The following ING1 variants were observed in gnomAD, a reference collection of about 807,000 sequenced individuals.
ING1 encodes the protein inhibitor of growth protein 1.
Under a neutral mutation model 23.1 loss-of-function variants are expected in ING1, and 4 were observed. The observed-to-expected ratio is 0.17, with a 90% CI of 0.09 to 0.40. ING1 has a LOEUF of 0.40. Among genes scored for constraint, ING1 ranks in the 10% least tolerant of loss-of-function variants. ING1 has a pLI of 1.00. For missense variants in ING1, 256 were observed against 393.8 expected (o/e 0.65, Z 2.96); for synonymous variants, 179 against 166.4 (o/e 1.08, Z -0.58).
Position 110,719,908 on chromosome 13 carries a change from A to G in ING1, c.816A>G (p.Lys272=), listed in dbSNP as rs749479059. ...TGGACAAAGCCCTGGAGAAATCCAA[A>G]AAAGAGAGGGCTTACAACAGGTAGT... The part of the protein sequence containing the change: ...KTMDKALEKS[K]KERAYNR Residue 272 remains lysine (K), a synonymous_variant, in exon 2 of 2, where the codon AAA becomes AAG. Coordinates refer to ENST00000333219, the MANE Select transcript of ING1 (RefSeq NM_198219.3). This position sits in a 1 kb window ranked among gnomAD's most constrained non-coding sequence, Gnocchi z 8.9. The G allele has an allele frequency of 1.2e-6, 2 of 1,607,620 alleles. No homozygotes were observed. Among genetic ancestry groups the G allele is most frequent in the Admixed American group, 1.7e-5 (1 of 57,204 alleles).
rs1424842019 is a variant in ING1 at position 110,720,153 on chromosome 13, A to G, written c.*221A>G. On this transcript the variant is annotated 3_prime_UTR_variant, in exon 2 of 2. Transcript: ENST00000333219. Reference sequence around the variant, plus strand: ...TCTGTGGATCAGCATTTTAGAAACTACAAATATAGGTTTGATTCAACACTT... The same window carrying G: ...TCTGTGGATCAGCATTTTAGAAACTGCAAATATAGGTTTGATTCAACACTT... 7.5e-6 allele frequency: 3 copies of G among 401,854 alleles called. No individual in the cohort carries two copies. The highest frequency in any genetic ancestry group is 1.4e-5 in the Non-Finnish European group (3 of 218,824). 24.9% of individuals were successfully genotyped at this position (401,854 alleles called of 1,614,324 possible). A position where few individuals can be genotyped will look rare whatever the true frequency, so the allele number is the denominator to read the frequency against.
chr13:110,715,757 CG>C (rs1566379561), intron 1 of ING1: 1 of 1,581,902 alleles, frequency 6.3e-7, no homozygotes, highest in Non-Finnish European at 8.6e-7. Flanking sequence ...TCTCGGGGTG[CG>C]GGGCGAGTCT....
At chr13:110,717,312 A>G (rs1404415606) in intron 1 of ING1, among the ~76,000 whole-genome samples, 1 of 152,218 alleles carries the variant, frequency 6.6e-6, no homozygotes, top group Non-Finnish European at 1.5e-5. Context: ...GGTGGCAGGC[A>G]GCCTGCATTG....
Position 110,715,617 on chromosome 13 carries a change from G to A in ING1, c.136+1332G>A, listed in dbSNP as rs200460756. ...GACGAGTTGATTTGAACGTCTTCGG[G>A]TCGCTCGGCCTCCAGCCTTGGATTG... On this transcript the variant is annotated intron_variant, in intron 1 of 1. Transcript: ENST00000333219. The A allele has an allele frequency of 4.3e-6, 7 of 1,614,046 alleles. No homozygotes were observed. In the East Asian group the frequency reaches 1.3e-4, roughly 31 times the overall value.
rs200198352 is a variant in ING1, at chr13:110,715,763, G to C, written c.136+1478G>C. ...GGCGGCGGCTCTCGGGGTGCGGGGC[G>C]AGTCTCCCGCTGGCCTCCTCCCCAT... is the stretch of plus-strand genomic sequence containing the variant. On this transcript the variant is annotated intron_variant, in intron 1 of 1. Coordinates refer to ENST00000333219, the MANE Select transcript of ING1 (RefSeq NM_198219.3). The C allele has an allele frequency of 1.9e-6, 3 of 1,584,496 alleles. No homozygotes were observed. The Admixed American group carries it at 5.3e-5, about 28-fold the overall frequency.
chr13:110,713,857 G>C lies in ING1; in HGVS notation c.-293G>C, dbSNP rs1289065721. 2.0e-6 allele frequency: 2 copies of C among 982,062 alleles called. No homozygotes were observed. The highest frequency in any genetic ancestry group is 2.4e-6 in the Non-Finnish European group (2 of 828,616). The allele number at this position is 982,062 out of a possible 1,614,324, so 60.8% of individuals were successfully genotyped here. A position where few individuals can be genotyped will look rare whatever the true frequency, so the allele number is the denominator to read the frequency against. On this transcript the variant is annotated 5_prime_UTR_variant, in exon 1 of 2. Coordinates refer to ENST00000333219, the MANE Select transcript of ING1 (RefSeq NM_198219.3). ...CCCGCCGGTGTGTGCGCGCTCGTAC[G>C]CGCGGCCCCCGGCGCCAGCCCCGCC...
Position 110,714,018 on chromosome 13 carries a change from C to T in ING1, c.-132C>T. The T allele has an allele frequency of 1.7e-6, 2 of 1,195,504 alleles. No individual in the cohort carries two copies. Among genetic ancestry groups the T allele is most frequent in the Non-Finnish European group, 2.1e-6 (2 of 962,508 alleles). The allele number at this position is 1,195,504 out of a possible 1,614,324, so 74.1% of individuals were successfully genotyped here. ...GGCTCGGCAGATGTAGCCGCCGGGCCGAAGCAGGAGCCGGCGGGGGGGCGC... is the reference window on the plus strand; with the variant it reads ...GGCTCGGCAGATGTAGCCGCCGGGCTGAAGCAGGAGCCGGCGGGGGGGCGC... On this transcript the variant is annotated 5_prime_UTR_variant, in exon 1 of 2. Transcript: ENST00000333219.
At chr13:110,713,236 T>G (rs923092866), upstream of ING1, 1 of 1,396,336 alleles carries the variant, frequency 7.2e-7, no homozygotes, top group Non-Finnish European at 9.3e-7. Flanking sequence ...GCCCTACTTA[T>G]ACTGCTCTGT....
chr13:110,712,752 C>G, upstream of ING1: 1 of 703,780 alleles, frequency 1.4e-6, no homozygotes, highest in Non-Finnish European at 2.6e-6. Flanking sequence ...AGAACGGTGT[C>G]CATGACACAG....
At chr13:110,713,319 T>C, upstream of ING1, 5 of 1,156,730 alleles carry the variant, frequency 4.3e-6, no homozygotes, top group Admixed American at 4.6e-5. Context: ...CTCGGAGGTT[T>C]CTGTCCCGCG....
intron 1 of ING1, among the ~76,000 whole-genome samples, chr13:110,716,251 G>A (rs1714236480): frequency 6.6e-6 from 1 of 152,176 alleles, no homozygotes; most frequent in African/African-American, 2.4e-5. Flanking sequence ...GTCGTTGCTG[G>A]GGAGAGCCTG....
chr13:110,713,734 C>T lies in ING1; in HGVS notation c.-416C>T, dbSNP rs1198400982. 62 of 985,040 alleles carry T rather than the reference C, an allele frequency of 6.3e-5. No individual in the cohort carries two copies. Among genetic ancestry groups the T allele is most frequent in the Non-Finnish European group, 6.9e-5 (57 of 829,854 alleles). The allele number at this position is 985,040 out of a possible 1,614,324, so 61.0% of individuals were successfully genotyped here. A position where few individuals can be genotyped will look rare whatever the true frequency, so the allele number is the denominator to read the frequency against. ...ACGTTGGACAAGTGCGGCTCGGCGG[C>T]CAGCGGAGCGCGCCCCTTCCCGCTG... On this transcript the variant is annotated 5_prime_UTR_variant, in exon 1 of 2. Coordinates refer to ENST00000333219, the MANE Select transcript of ING1 (RefSeq NM_198219.3).
Position 110,721,007 on chromosome 13 carries a change from A to C in ING1, c.*1075A>C, listed in dbSNP as rs1266723821. Reference sequence around the variant, plus strand: ...ACTGCCCACTTGTCAAGTTCAGCCCACCATCTGTTTGAAGATTATATGAAG... The same window carrying C: ...ACTGCCCACTTGTCAAGTTCAGCCCCCCATCTGTTTGAAGATTATATGAAG... On this transcript the variant is annotated 3_prime_UTR_variant, in exon 2 of 2. Transcript: ENST00000333219. 1.8e-5 allele frequency: 3 copies of C among 167,106 alleles called. No individual in the cohort carries two copies. Among genetic ancestry groups the C allele is most frequent in the Non-Finnish European group, 4.4e-5 (3 of 68,124 alleles). The allele number at this position is 167,106 out of a possible 1,614,324, so 10.4% of individuals were successfully genotyped here.
chr13:110,713,284 T>C (rs2064059038), upstream of ING1: 4 of 1,281,182 alleles, frequency 3.1e-6, no homozygotes, highest in South Asian at 6.7e-5. Context: ...AGGAGCGAGT[T>C]GCGGTAGTTG....
intron 1 of ING1, among the ~76,000 whole-genome samples, chr13:110,714,635 AG>A (rs1245004038): frequency 6.6e-6 from 1 of 151,766 alleles, no homozygotes; most frequent in African/African-American, 2.4e-5. Context: ...CGCGAGATGG[AG>A]GGATGTGCCG....
chr13:110,712,862 C>G (rs2064048779), upstream of ING1: 5 of 1,274,686 alleles, frequency 3.9e-6, no homozygotes, highest in East Asian at 2.5e-5. Context: ...GCCCCTTTGT[C>G]TCCAAGCCGT....
At chr13:110,718,115 G>A (rs1054952098) in intron 1 of ING1, among the ~76,000 whole-genome samples, 1 of 152,218 alleles carries the variant, frequency 6.6e-6, no homozygotes, top group African/African-American at 2.4e-5. Flanking sequence ...AAATACTGAA[G>A]AGGTTTTCTT....
Position 110,719,384 on chromosome 13 carries a change from C to G in ING1, c.292C>G (p.Leu98Val), listed in dbSNP as rs1483845420. 60 of 1,610,260 alleles carry G rather than the reference C, an allele frequency of 3.7e-5. No individual in the cohort carries two copies. The highest frequency in any genetic ancestry group is 5.0e-5 in the Non-Finnish European group (59 of 1,179,802). The change falls in exon 2 of 2, where the codon CTG becomes GTG. Residue 98 changes from leucine (L) to valine (V), a missense_variant. Physicochemically the swap from Leu to Val is conservative, Grantham distance 32. Around this residue, in one of 3 missense-constraint regions of ING1, gnomAD observed 209 missense variants for 273.8 expected, o/e 0.76. Coordinates refer to ENST00000333219, the MANE Select transcript of ING1 (RefSeq NM_198219.3). The surrounding 1 kb of genome is among the most constrained non-coding windows in gnomAD (Gnocchi z 8.9). ...CCAGATCGTGAGCCAGATGGTGGAG[C>G]TGGTGGAGAACCGCACGCGGCAGGT... ...KIQIVSQMVE[L>V]VENRTRQVDS... is the part of the protein sequence containing the mutation.
At position 110,715,953 on chromosome 13, in the gene ING1, G is replaced by T. The variant is rs760396911; in HGVS notation, c.136+1668G>T. Reference sequence around the variant, plus strand: ...GACCCGCGGGGCCGGCTCGGAGACAGTTTCAGGCCGCATCTCTGCTGACCC... The same window carrying T: ...GACCCGCGGGGCCGGCTCGGAGACATTTTCAGGCCGCATCTCTGCTGACCC... On this transcript the variant is annotated intron_variant, in intron 1 of 1. Coordinates refer to ENST00000333219, the MANE Select transcript of ING1 (RefSeq NM_198219.3). 22 of 1,545,442 alleles carry T rather than the reference G, an allele frequency of 1.4e-5. No homozygotes were observed. The highest frequency in any genetic ancestry group is 1.8e-5 in the Non-Finnish European group (21 of 1,155,902).
Sources: allele counts gnomAD v4.1 joint callset (sites outside exome capture counted in the v4.1 genomes callset), GRCh38; gene constraint gnomAD v4.1.1; regional missense constraint gnomAD v4.1.1; non-coding constraint Gnocchi (gnomAD v3.1); transcripts MANE v1.5; gene names NCBI Gene and HGNC (gene_info 2026-07-23, HGNC 2026-07-21).